Variants in TLK1 observed in about 807,000 individuals in gnomAD.
TLK1 encodes tousled like kinase 1.
In TLK1, 24 loss-of-function variants were observed where a neutral mutation model predicts 105.3. The ratio of observed to expected loss-of-function variants is 0.23; its 90% confidence interval spans 0.17 to 0.32. The LOEUF is 0.32. TLK1 is among the 10% of genes least tolerant of loss of function. The pLI, the probability that TLK1 is intolerant of heterozygous loss-of-function variation, is 1.00. For synonymous variants in TLK1, 321 were observed against 310.4 expected, an observed-to-expected ratio of 1.03 and a Z score of -0.36; for missense variants, 558 against 910.5, an observed-to-expected ratio of 0.61 and a Z score of 4.98.
intron 1 of TLK1, among the ~76,000 whole-genome samples, chr2:171,191,450 G>C (rs1158818188): frequency 6.6e-6 from 1 of 152,046 alleles, no homozygotes; most frequent in Non-Finnish European, 1.5e-5. Context: ...ATGGTAGTGT[G>C]TGCCTACAGT....
At chr2:171,169,840 A>G (rs1036141131) in intron 1 of TLK1, among the ~76,000 whole-genome samples, 2 of 152,226 alleles carry the variant, frequency 1.3e-5, no homozygotes, top group African/African-American at 4.8e-5. Context: ...AGATAGTTAA[A>G]AGCTATTGTT....
chr2:171,117,799 T>A lies in TLK1; in HGVS notation c.198A>T (p.Arg66Ser). ...DPRRQELLEA[R>S]FTGVASGSTG... Reference sequence around the variant, plus strand: ...TGCTCCCACTTGCAACTCCAGTAAATCTAGCTTCCAATAACTCTTGCCTTC... The same window carrying A: ...TGCTCCCACTTGCAACTCCAGTAAAACTAGCTTCCAATAACTCTTGCCTTC... Residue 66 changes from arginine to serine, a missense_variant, in exon 2 of 21, where the codon AGA (arginine) becomes AGT (serine). Arg to Ser is a moderately radical substitution (Grantham distance 110, BLOSUM62 -1). Around this residue, in one of 5 missense-constraint regions of TLK1, gnomAD observed 104 missense variants for 116.0 expected, o/e 0.90. Coordinates refer to ENST00000431350, the MANE Select transcript of TLK1 (RefSeq NM_012290.5). 6.2e-7 allele frequency: 1 copy of A among 1,613,972 alleles called. No individual in the cohort carries two copies. The highest frequency in any genetic ancestry group is 8.5e-7 in the Non-Finnish European group (1 of 1,179,968).
chr2:171,053,971 A>G (rs1687373313), intron 7 of TLK1, 118 bp from the exon 8 acceptor site: 2 of 734,542 alleles, frequency 2.7e-6, no homozygotes, highest in East Asian at 6.2e-5. Flanking sequence ...GTGTATATGT[A>G]AAGTGAATCT....
intron 11 of TLK1, among the ~76,000 whole-genome samples, chr2:171,042,821 A>G (rs1686751614): frequency 6.6e-6 from 1 of 152,190 alleles, no homozygotes; most frequent in Non-Finnish European, 1.5e-5. Context: ...GGAACAAGAT[A>G]AAGTCACAGA....
At chr2:171,163,115 A>G (rs78168395), upstream of TLK1, among the ~76,000 whole-genome samples, 5,230 of 152,258 alleles carry the variant, frequency 0.034, 296 homozygotes, top group African/African-American at 0.12. Context: ...TTCACTCGAC[A>G]TTATTTTTTT....
intron 2 of TLK1, among the ~76,000 whole-genome samples, chr2:171,101,244 G>C (rs1333937566): frequency 6.7e-6 from 1 of 149,878 alleles, no homozygotes; most frequent in Non-Finnish European, 1.5e-5. Context: ...TACTCAGGAG[G>C]CTGAGGCAGG....
At chr2:171,068,426 GCTC>G (rs1191470852) in intron 3 of TLK1, among the ~76,000 whole-genome samples, 6 of 152,072 alleles carry the variant, frequency 3.9e-5, no homozygotes, top group Non-Finnish European at 7.4e-5. Flanking sequence ...CCTGCCTCAG[GCTC>G]CCAAGTACCT....
At chr2:171,126,058 G>A (rs1293584863) in intron 1 of TLK1, among the ~76,000 whole-genome samples, 6 of 152,094 alleles carry the variant, frequency 3.9e-5, no homozygotes, top group Non-Finnish European at 8.8e-5. Context: ...TGAAAAGGAA[G>A]AAATTACAAA....
At chr2:171,116,065 G>A (rs771228723) in intron 2 of TLK1, among the ~76,000 whole-genome samples, 1 of 152,144 alleles carries the variant, frequency 6.6e-6, no homozygotes, top group African/African-American at 2.4e-5. Context: ...ATGGTTAATG[G>A]TGATGCTTAT....
chr2:171,158,487 C>G (rs1490560058), intron 1 of TLK1, among the ~76,000 whole-genome samples: 1 of 152,154 alleles, frequency 6.6e-6, no homozygotes, highest in Non-Finnish European at 1.5e-5. Context: ...TTTTGTCTCC[C>G]AAATTCCCAA....
At chr2:171,205,359 G>C (rs1265829553) in intron 1 of TLK1, among the ~76,000 whole-genome samples, 1 of 148,972 alleles carries the variant, frequency 6.7e-6, no homozygotes, top group Non-Finnish European at 1.5e-5. Flanking sequence ...GTCTTGCTCT[G>C]TTACCAGGGC....
intron 18 of TLK1, among the ~76,000 whole-genome samples, chr2:171,003,032 T>C (rs547929724): frequency 2.4e-4 from 36 of 151,876 alleles, no homozygotes; most frequent in Admixed American, 5.2e-4. Flanking sequence ...CCCAGCACTT[T>C]GGGAGGCCGA....
At chr2:171,128,925 C>T (rs1423215109) in intron 1 of TLK1, among the ~76,000 whole-genome samples, 1 of 152,090 alleles carries the variant, frequency 6.6e-6, no homozygotes, top group East Asian at 1.9e-4. Flanking sequence ...ATCCACTCAA[C>T]TAAGCATCTC....
At chr2:171,107,327 T>A (rs72885722) in intron 2 of TLK1, among the ~76,000 whole-genome samples, 4 of 152,152 alleles carry the variant, frequency 2.6e-5, no homozygotes, top group Non-Finnish European at 5.9e-5. Flanking sequence ...TTGTAATAAC[T>A]AATCTATGGG....
intron 1 of TLK1, among the ~76,000 whole-genome samples, chr2:171,129,985 T>C (rs890678455): frequency 1.3e-5 from 2 of 152,218 alleles, no homozygotes; most frequent in African/African-American, 2.4e-5. Context: ...TTCCTAAAAT[T>C]GATTTCTGTG....
chr2:170,996,751 G>A lies in TLK1; in HGVS notation c.2026C>T (p.His676Tyr). 6.2e-7 allele frequency: 1 copy of A among 1,602,252 alleles called. No individual in the cohort carries two copies. Among genetic ancestry groups the A allele is most frequent in the Non-Finnish European group, 8.5e-7 (1 of 1,175,644 alleles). Residue 676 changes from histidine (H) to tyrosine (Y), a missense_variant, in exon 20 of 21, where the codon CAC becomes TAC. By Grantham distance (83) the His-to-Tyr change is moderately conservative. Coordinates refer to ENST00000431350, the MANE Select transcript of TLK1 (RefSeq NM_012290.5). The stretch of plus-strand genomic sequence containing the variant: ...AGAATGTCTTGTTGAGATTGATTGT[G>A]ACCAAATGGCTTAAAAAAAAAATTA... Reference protein sequence around the residue: ...QCLYGRKPFGHNQSQQDILQE... With the variant: ...QCLYGRKPFGYNQSQQDILQE...
chr2:171,151,877 TAAAAG>T (rs1298658219), intron 1 of TLK1, among the ~76,000 whole-genome samples: 1 of 152,216 alleles, frequency 6.6e-6, no homozygotes, highest in Non-Finnish European at 1.5e-5. Flanking sequence ...CACAGATGTT[TAAAAG>T]AAATCGGCAA....
chr2:171,188,207 T>A (rs1261827890), intron 1 of TLK1, among the ~76,000 whole-genome samples: 1 of 152,136 alleles, frequency 6.6e-6, no homozygotes, highest in African/African-American at 2.4e-5. Context: ...CAATCCAAAG[T>A]CTCTTAGCTT....
In TLK1 at chr2:171,147,916, A is replaced by T. The variant is rs1575629098; in HGVS notation, c.139+12374T>A. 3.3e-5 allele frequency among the ~76,000 whole-genome samples: 5 copies of T among 150,720 alleles called. 1 individual carries two copies. The East Asian group carries it at 9.8e-4, about 30-fold the overall frequency. On this transcript the variant is annotated intron_variant, in intron 1 of 20. Coordinates refer to ENST00000431350, the MANE Select transcript of TLK1 (RefSeq NM_012290.5). ...CATTCCTTTTTTTTTTTTGAGACAG[A>T]GTCTCACTCTGTCTCCCAGGCTGGA...
Sources: gnomAD v4.1 joint callset for allele counts (sites outside exome capture counted in the v4.1 genomes callset) on GRCh38, gnomAD v4.1.1 for gene constraint, gnomAD v4.1.1 regional missense constraint, MANE v1.5 for transcripts, NCBI Gene and HGNC (gene_info 2026-07-23, HGNC 2026-07-21) for gene names.